Variants in INPP5A observed in about 807,000 individuals in gnomAD.
INPP5A encodes 43 kDa inositol polyphosphate 5-phophatase.
In INPP5A, 14 loss-of-function variants were observed where a neutral mutation model predicts 65.2. The observed-to-expected ratio is 0.21, with a 90% CI of 0.14 to 0.34. INPP5A has a LOEUF of 0.34. INPP5A is among the 10% of genes least tolerant of loss of function. The pLI, the probability that INPP5A is intolerant of heterozygous loss-of-function variation, is 1.00. For missense variants in INPP5A, 431 were observed against 545.6 expected (o/e 0.79, Z 2.09); for synonymous variants, 207 against 208.3 (o/e 0.99, Z 0.05).
chr10:132,686,361 A>G (rs2073113587), intron 4 of INPP5A, among the ~76,000 whole-genome samples: 1 of 152,268 alleles, frequency 6.6e-6, no homozygotes, highest in Non-Finnish European at 1.5e-5. Flanking sequence ...TTGTTTATCA[A>G]TACGTAAAAA....
intron 2 of INPP5A, among the ~76,000 whole-genome samples, chr10:132,636,699 CAGAA>C (rs1356038354): frequency 6.6e-6 from 1 of 152,174 alleles, no homozygotes; most frequent in African/African-American, 2.4e-5. Context: ...CTGGATTCCT[CAGAA>C]AGGGCTGATG....
chr10:132,627,941 G>A lies in INPP5A; in HGVS notation c.118-17927G>A, dbSNP rs938257558. Among the ~76,000 whole-genome samples the A allele has an allele frequency of 3.3e-5, 5 of 152,104 alleles. No homozygotes were observed. The highest frequency in any genetic ancestry group is 6.5e-5 in the Admixed American group (1 of 15,274). On this transcript the variant is annotated intron_variant, in intron 2 of 15. Coordinates refer to ENST00000368594, the MANE Select transcript of INPP5A (RefSeq NM_005539.5). This position sits in a 1 kb window ranked among gnomAD's most constrained non-coding sequence, Gnocchi z 6.6. ...GAGAGAAACTGGAGATAAGGGACGCGAATCTGACTCGGTGACTTTGTTGTT... is the reference window on the plus strand; with the variant it reads ...GAGAGAAACTGGAGATAAGGGACGCAAATCTGACTCGGTGACTTTGTTGTT...
intron 8 of INPP5A, among the ~76,000 whole-genome samples, chr10:132,721,529 A>G (rs1178212980): frequency 0.022 from 968 of 44,764 alleles, no homozygotes; most frequent in African/African-American, 0.025. Flanking sequence ...TTAGACGGCT[A>G]TCTTGCGGTT....
intron 8 of INPP5A, among the ~76,000 whole-genome samples, chr10:132,712,561 C>A (rs1845661012): frequency 6.8e-6 from 1 of 147,608 alleles, no homozygotes; most frequent in Non-Finnish European, 1.5e-5. Flanking sequence ...CATGTGAGTG[C>A]ACTTGTGTGG....
At chr10:132,688,070 G>A (rs1845170603) in intron 4 of INPP5A, among the ~76,000 whole-genome samples, 1 of 152,186 alleles carries the variant, frequency 6.6e-6, no homozygotes, top group South Asian at 2.1e-4. Context: ...CACGCCCTAG[G>A]AGCAGGAGCT....
rs1399710228 is a variant in INPP5A, at chr10:132,753,162, G to A, written c.903+3317G>A. Reference sequence around the variant, plus strand: ...CCCATGGGTTCCTGCTGACCCGGGTGCCCTCGCACTTGCCCGAGGTGCCGG... The same window carrying A: ...CCCATGGGTTCCTGCTGACCCGGGTACCCTCGCACTTGCCCGAGGTGCCGG... On this transcript the variant is annotated intron_variant, in intron 11 of 15. Coordinates refer to ENST00000368594, the MANE Select transcript of INPP5A (RefSeq NM_005539.5). The surrounding 1 kb of genome is among the most constrained non-coding windows in gnomAD (Gnocchi z 5.3). Among the ~76,000 whole-genome samples the A allele has an allele frequency of 6.6e-6, 1 of 152,168 alleles. No individual in the cohort carries two copies. Among genetic ancestry groups the A allele is most frequent in the Non-Finnish European group, 1.5e-5 (1 of 68,038 alleles).
chr10:132,641,009 G>C (rs2072421363), intron 2 of INPP5A, among the ~76,000 whole-genome samples: 1 of 152,238 alleles, frequency 6.6e-6, no homozygotes, highest in Non-Finnish European at 1.5e-5. Flanking sequence ...CATGTACTCT[G>C]TTCACCCCTC....
intron 1 of INPP5A, among the ~76,000 whole-genome samples, chr10:132,560,410 A>G (rs2071188104): frequency 6.6e-6 from 1 of 152,194 alleles, no homozygotes; most frequent in Non-Finnish European, 1.5e-5. Flanking sequence ...CAGACTTCCA[A>G]CATCACAGAA....
At chr10:132,773,155 C>T (rs1846986583) in intron 12 of INPP5A, among the ~76,000 whole-genome samples, 1 of 152,230 alleles carries the variant, frequency 6.6e-6, no homozygotes, top group Non-Finnish European at 1.5e-5. Context: ...TGCACTCAGC[C>T]TTGTGTGTGC....
chr10:132,688,401 C>G (rs1845177856), intron 4 of INPP5A, among the ~76,000 whole-genome samples: 1 of 152,196 alleles, frequency 6.6e-6, no homozygotes. Context: ...AACTGCAGAG[C>G]CTGAAGTGTG....
chr10:132,747,844 T>C (rs1846399285), intron 9 of INPP5A, among the ~76,000 whole-genome samples: 1 of 151,962 alleles, frequency 6.6e-6, no homozygotes, highest in Admixed American at 6.6e-5. Context: ...AGCCCAGAGG[T>C]TCACGGCCAA....
At chr10:132,576,963 G>A (rs944405439) in intron 1 of INPP5A, among the ~76,000 whole-genome samples, 1 of 152,370 alleles carries the variant, frequency 6.6e-6, no homozygotes, top group East Asian at 1.9e-4. Context: ...TGAGCCCAGT[G>A]GTGGGCTGAG....
Position 132,551,507 on chromosome 10 carries a change from T to C in INPP5A, c.75+13336T>C, listed in dbSNP as rs1187723246. On this transcript the variant is annotated intron_variant, in intron 1 of 15. Coordinates refer to ENST00000368594, the MANE Select transcript of INPP5A (RefSeq NM_005539.5). The surrounding 1 kb of genome is among the most constrained non-coding windows in gnomAD (Gnocchi z 5.3). Reference sequence around the variant, plus strand: ...TCATGTGGGGGGATTTGGGTGGGACTCTCAGAGGAGCTGGTTCTCTTGAGA... The same window carrying C: ...TCATGTGGGGGGATTTGGGTGGGACCCTCAGAGGAGCTGGTTCTCTTGAGA... Among the ~76,000 whole-genome samples the C allele has an allele frequency of 1.3e-5, 2 of 152,214 alleles. No homozygotes were observed.
chr10:132,541,565 G>C (rs1459692009), intron 1 of INPP5A, among the ~76,000 whole-genome samples: 1 of 152,180 alleles, frequency 6.6e-6, no homozygotes, highest in Non-Finnish European at 1.5e-5. Context: ...TCTTGTTTAT[G>C]TTGGTTATAA....
chr10:132,736,420 A>AC (rs1846177396), intron 9 of INPP5A, among the ~76,000 whole-genome samples: 1 of 152,220 alleles, frequency 6.6e-6, no homozygotes. Flanking sequence ...CCAATCACTG[A>AC]CAGGTACATG....
intron 4 of INPP5A, among the ~76,000 whole-genome samples, chr10:132,655,551 C>T (rs975831650): frequency 1.6e-4 from 25 of 152,330 alleles, no homozygotes; most frequent in African/African-American, 4.6e-4. Context: ...GGCCAGAGGA[C>T]GCAGGGTAAC....
intron 4 of INPP5A, among the ~76,000 whole-genome samples, chr10:132,682,596 G>C (rs1044378137): frequency 6.6e-6 from 1 of 152,274 alleles, no homozygotes; most frequent in Non-Finnish European, 1.5e-5. Context: ...GATCGTCATG[G>C]CAACAGGAGG....
At chr10:132,679,442 C>T (rs937186872) in intron 4 of INPP5A, among the ~76,000 whole-genome samples, 4 of 152,062 alleles carry the variant, frequency 2.6e-5, no homozygotes, top group Non-Finnish European at 5.9e-5. Context: ...CACACAAGAG[C>T]TGCCCGCTGG....
chr10:132,662,270 G>A (rs1037323763), intron 4 of INPP5A, among the ~76,000 whole-genome samples: 13 of 152,086 alleles, frequency 8.5e-5, no homozygotes, highest in Admixed American at 3.3e-4. Flanking sequence ...TACACACACC[G>A]TATCACCCAG....
Sources: allele counts gnomAD v4.1 joint callset (sites outside exome capture counted in the v4.1 genomes callset), GRCh38; gene constraint gnomAD v4.1.1; non-coding constraint Gnocchi (gnomAD v3.1); transcripts MANE v1.5; gene names NCBI Gene and HGNC (gene_info 2026-07-23, HGNC 2026-07-21).